OSBPL3: variants seen among roughly 807,000 people sequenced by gnomAD.
The protein encoded by OSBPL3 is oxysterol-binding protein-related protein 3.
Under a neutral mutation model 120.1 loss-of-function variants are expected in OSBPL3, and 65 were observed. The observed-to-expected ratio is 0.54, with a 90% CI of 0.44 to 0.67. The LOEUF (loss-of-function observed/expected upper bound fraction) is 0.67, where lower values mean the gene tolerates loss of function less well. OSBPL3 is among the 30% of genes least tolerant of loss of function. The probability of loss-of-function intolerance (pLI) is 0.00; values close to 1 mark genes in which losing one functional copy is unlikely to be tolerated. For synonymous variants in OSBPL3, 416 were observed against 402.6 expected (o/e 1.03, Z -0.40); for missense variants, 1,004 against 1,082.1 (o/e 0.93, Z 1.01).
In OSBPL3 at chr7:24,946,981, T is replaced by C. The variant is rs925968045; in HGVS notation, c.-150+32905A>G. On this transcript the variant is annotated intron_variant, in intron 1 of 22. Coordinates refer to ENST00000313367, the MANE Select transcript of OSBPL3 (RefSeq NM_015550.4). This position sits in a 1 kb window ranked among gnomAD's most constrained non-coding sequence, Gnocchi z 4.3. ...CTCAAAACGAAAAGGATAAGCATTA[T>C]TGTTCATTATTCTTGCCGCTTTCAT... Among the ~76,000 whole-genome samples the C allele has an allele frequency of 2.6e-5, 4 of 152,264 alleles. No individual in the cohort carries two copies. Among genetic ancestry groups the C allele is most frequent in the Admixed American group, 1.3e-4 (2 of 15,290 alleles).
intron 1 of OSBPL3, among the ~76,000 whole-genome samples, chr7:24,973,324 AG>A (rs1488264070): frequency 1.3e-5 from 2 of 152,224 alleles, no homozygotes; most frequent in African/African-American, 4.8e-5. Flanking sequence ...CTTTTATGAA[AG>A]AAATTTGCTT....
Position 24,873,396 on chromosome 7 carries a change from G to A in OSBPL3, c.97-1327C>T, listed in dbSNP as rs1029312405. 1.3e-5 allele frequency among the ~76,000 whole-genome samples: 2 copies of A among 152,206 alleles called. No homozygotes were observed. Among genetic ancestry groups the A allele is most frequent in the East Asian group, 1.9e-4 (1 of 5,200 alleles). On this transcript the variant is annotated intron_variant, in intron 2 of 22. Transcript: ENST00000313367. The surrounding 1 kb of genome is among the most constrained non-coding windows in gnomAD (Gnocchi z 4.1). ...GTAATGAGAACCCTTTCCTACGTTA[G>A]CAACTGAATTCTTTACATAATGATC...
At position 24,808,724 on chromosome 7, in the gene OSBPL3, C is replaced by T. The variant is rs1317352782; in HGVS notation, c.2317+1083G>A. 2.0e-5 allele frequency among the ~76,000 whole-genome samples: 3 copies of T among 152,218 alleles called. No individual in the cohort carries two copies. Among genetic ancestry groups the T allele is most frequent in the Non-Finnish European group, 2.9e-5 (2 of 68,032 alleles). ...CTGTTCAAATGGCATTGTGCCCTTACTGGGGATTAATCCAAGACATCTAAA... is the reference window on the plus strand; with the variant it reads ...CTGTTCAAATGGCATTGTGCCCTTATTGGGGATTAATCCAAGACATCTAAA... On this transcript the variant is annotated intron_variant, in intron 20 of 22. Coordinates refer to ENST00000313367, the MANE Select transcript of OSBPL3 (RefSeq NM_015550.4). This position sits in a 1 kb window ranked among gnomAD's most constrained non-coding sequence, Gnocchi z 4.6.
At chr7:24,914,216 A>G (rs6972749) in intron 1 of OSBPL3, among the ~76,000 whole-genome samples, 634 of 152,032 alleles carry the variant, frequency 4.2e-3, no homozygotes, top group African/African-American at 0.015. Flanking sequence ...TGAACCCCAC[A>G]GGATCATGGA....
chr7:24,963,217 T>G (rs945529737), intron 1 of OSBPL3, among the ~76,000 whole-genome samples: 1 of 152,198 alleles, frequency 6.6e-6, no homozygotes, highest in African/African-American at 2.4e-5. Flanking sequence ...TCTGAGGGGT[T>G]TGCTGCTTGA....
rs566703295 is a variant in OSBPL3 at position 24,819,098 on chromosome 7, C to T, written c.1948+1077G>A. On this transcript the variant is annotated intron_variant, in intron 17 of 22. Transcript: ENST00000313367. The surrounding 1 kb of genome is among the most constrained non-coding windows in gnomAD (Gnocchi z 4.1). ...TGAAACCCCATCTCTACTAAAAATA[C>T]AAAAATTAGCTGGGCATAGTGGCGC... 4.0e-5 allele frequency among the ~76,000 whole-genome samples: 6 copies of T among 151,852 alleles called. No individual in the cohort carries two copies. The highest frequency in any genetic ancestry group is 8.8e-5 in the Non-Finnish European group (6 of 67,966).
intron 19 of OSBPL3, among the ~76,000 whole-genome samples, chr7:24,811,294 CAT>C: frequency 6.6e-6 from 1 of 152,298 alleles, no homozygotes; most frequent in East Asian, 1.9e-4. Context: ...ATTTTTTCCT[CAT>C]ATATCTATTG....
Position 24,851,962 on chromosome 7 carries a change from A to T in OSBPL3, c.1158+542T>A, listed in dbSNP as rs1451858395. Among the ~76,000 whole-genome samples the T allele has an allele frequency of 6.6e-6, 1 of 152,192 alleles. No individual in the cohort carries two copies. The highest frequency in any genetic ancestry group is 1.9e-4 in the East Asian group (1 of 5,200). On this transcript the variant is annotated intron_variant, in intron 11 of 22. Transcript: ENST00000313367. This position sits in a 1 kb window ranked among gnomAD's most constrained non-coding sequence, Gnocchi z 4.1. The stretch of plus-strand genomic sequence containing the variant: ...TGACTCATCTCTTTGTAGCCACAGT[A>T]GGGGGGCAGGGCAGGGAAGCTAAAT...
upstream of OSBPL3, among the ~76,000 whole-genome samples, chr7:24,980,914 A>G (rs149611184): frequency 5.7e-3 from 866 of 152,144 alleles, 4 homozygotes; most frequent in African/African-American, 0.02. Flanking sequence ...CACTAGCCCA[A>G]TGGCCTTCTT....
At chr7:24,961,943 C>G (rs1339818192) in intron 1 of OSBPL3, among the ~76,000 whole-genome samples, 1 of 152,146 alleles carries the variant, frequency 6.6e-6, no homozygotes, top group Non-Finnish European at 1.5e-5. Context: ...TCATAAAGGA[C>G]AGACATACAT....
rs765733966 is a variant in OSBPL3, at chr7:24,833,555, G to A, written c.1746+931C>T. On this transcript the variant is annotated intron_variant, in intron 15 of 22. Coordinates refer to ENST00000313367, the MANE Select transcript of OSBPL3 (RefSeq NM_015550.4). The surrounding 1 kb of genome is among the most constrained non-coding windows in gnomAD (Gnocchi z 4.4). ...TAATAGCATCCTCTATCAATGGGGA[G>A]TGTCGGCAGGGCTAGGTCTGTGAAG... 1.3e-5 allele frequency among the ~76,000 whole-genome samples: 2 copies of A among 152,214 alleles called. No homozygotes were observed. The highest frequency in any genetic ancestry group is 1.3e-4 in the Admixed American group (2 of 15,290).
rs1795483429 is a variant in OSBPL3, at chr7:24,824,610, T to C, written c.1885-4372A>G. Among the ~76,000 whole-genome samples, 1 of 152,208 alleles carries C rather than the reference T, an allele frequency of 6.6e-6. No homozygotes were observed. Among genetic ancestry groups the C allele is most frequent in the Non-Finnish European group, 1.5e-5 (1 of 68,032 alleles). ...CATTCTTTCCAGGTCACTCATCAAG[T>C]ACTTATTGATTGCCTGTGATGTGTC... is the stretch of plus-strand genomic sequence containing the variant. On this transcript the variant is annotated intron_variant, in intron 16 of 22. Coordinates refer to ENST00000313367, the MANE Select transcript of OSBPL3 (RefSeq NM_015550.4). The surrounding 1 kb of genome is among the most constrained non-coding windows in gnomAD (Gnocchi z 4.9).
Position 24,980,101 on chromosome 7 carries a change from T to G in OSBPL3, c.-365A>C. 1.0e-5 allele frequency: 10 copies of G among 964,276 alleles called. No individual in the cohort carries two copies. The highest frequency in any genetic ancestry group is 1.2e-5 in the Non-Finnish European group (10 of 811,162). 59.7% of individuals were successfully genotyped at this position (964,276 alleles called of 1,614,324 possible). ...GCGCTGCGCACCGGCCGCGAAGCGC[T>G]CAAGTCCCCTCTCCCGGGCCGGCTG... On this transcript the variant is annotated 5_prime_UTR_variant, in exon 1 of 23. Transcript: ENST00000313367.
rs774583785 is a variant in OSBPL3 at position 24,798,393 on chromosome 7, C to T, written c.*1790G>A. On this transcript the variant is annotated 3_prime_UTR_variant, in exon 23 of 23. Transcript: ENST00000313367. The surrounding 1 kb of genome is among the most constrained non-coding windows in gnomAD (Gnocchi z 4.6). ...TTCCCCTTGAGTGCCCTTAAATCTACAGCCTGCTTCCTCATGTCTGTGAGC... is the reference window on the plus strand; with the variant it reads ...TTCCCCTTGAGTGCCCTTAAATCTATAGCCTGCTTCCTCATGTCTGTGAGC... The T allele has an allele frequency of 4.6e-5, 7 of 152,208 alleles. No individual in the cohort carries two copies. Among genetic ancestry groups the T allele is most frequent in the Non-Finnish European group, 1.0e-4 (7 of 68,032 alleles). 9.4% of individuals were successfully genotyped at this position (152,208 alleles called of 1,614,324 possible).
rs1185195839 is a variant in OSBPL3, at chr7:24,959,381, G to A, written c.-150+20505C>T. On this transcript the variant is annotated intron_variant, in intron 1 of 22. Transcript: ENST00000313367. This position sits in a 1 kb window ranked among gnomAD's most constrained non-coding sequence, Gnocchi z 4.3. The stretch of plus-strand genomic sequence containing the variant: ...AAATTTTGGCATATTAACACAATGC[G>A]ATTCTAACAGCAATAGGAATAAACA... Among the ~76,000 whole-genome samples the A allele has an allele frequency of 3.9e-5, 6 of 152,142 alleles. No homozygotes were observed. Among genetic ancestry groups the A allele is most frequent in the Non-Finnish European group, 1.5e-5 (1 of 67,966 alleles).
In OSBPL3 at chr7:24,871,820, T is replaced by C; in HGVS notation, c.214-25A>G. 6.3e-7 allele frequency: 1 copy of C among 1,584,408 alleles called. No individual in the cohort carries two copies. Among genetic ancestry groups the C allele is most frequent in the African/African-American group, 1.3e-5 (1 of 74,334 alleles). Reference sequence around the variant, plus strand: ...TCTGTGGGGAAGAAAGTATTATTAATTAAGGCATTCAATTTAGGTGCCCTT... The same window carrying C: ...TCTGTGGGGAAGAAAGTATTATTAACTAAGGCATTCAATTTAGGTGCCCTT... On this transcript the variant is annotated intron_variant, in intron 3 of 22. Coordinates refer to ENST00000313367, the MANE Select transcript of OSBPL3 (RefSeq NM_015550.4). This position sits in a 1 kb window ranked among gnomAD's most constrained non-coding sequence, Gnocchi z 4.8.
At chr7:24,838,003 T>C (rs1005966210) in intron 14 of OSBPL3, among the ~76,000 whole-genome samples, 2 of 152,224 alleles carry the variant, frequency 1.3e-5, no homozygotes, top group Non-Finnish European at 2.9e-5. Flanking sequence ...AGCAAGATCT[T>C]GGTCCTAACA....
intron 1 of OSBPL3, among the ~76,000 whole-genome samples, chr7:24,948,739 T>C (rs1037688802): frequency 4.6e-5 from 7 of 152,198 alleles, no homozygotes; most frequent in African/African-American, 1.4e-4. Context: ...AAGCCCTCTG[T>C]CATGAAGAGT....
At chr7:24,801,243 C>CAAAA (rs397976980) in intron 22 of OSBPL3, among the ~76,000 whole-genome samples, 24 of 73,908 alleles carry the variant, frequency 3.2e-4, no homozygotes, top group East Asian at 1.1e-3. Context: ...GACTCCTTCT[C>CAAAA]AAAAAAAAAA....
Sources: gnomAD v4.1 joint callset for allele counts (sites outside exome capture counted in the v4.1 genomes callset) on GRCh38, gnomAD v4.1.1 for gene constraint, Gnocchi (gnomAD v3.1) non-coding constraint, MANE v1.5 for transcripts, NCBI Gene and HGNC (gene_info 2026-07-23, HGNC 2026-07-21) for gene names.